AFDN: variants seen among roughly 807,000 people sequenced by gnomAD.
AFDN encodes afadin.
A neutral mutation model predicts 216.6 loss-of-function variants in AFDN; 68 were observed. The ratio of observed to expected loss-of-function variants is 0.31; its 90% CI spans 0.26 to 0.38. AFDN has a LOEUF of 0.38. AFDN is among the 10% of genes least tolerant of loss of function. The pLI, the probability that AFDN is intolerant of heterozygous loss-of-function variation, is 1.00. For missense variants in AFDN, 2,136 were observed against 2,342.0 expected (o/e 0.91, Z 1.82); for synonymous variants, 868 against 853.7 (o/e 1.02, Z -0.29).
At chr6:167,896,687 C>T (rs193269312) in intron 9 of AFDN, among the ~76,000 whole-genome samples, 191 bp from the exon 10 acceptor site, 13 of 152,218 alleles carry the variant, frequency 8.5e-5, no homozygotes, top group East Asian at 3.9e-4. Context: ...GAAACTGATA[C>T]GTTTATTTCT....
intron 1 of AFDN, among the ~76,000 whole-genome samples, chr6:167,857,608 A>G (rs1020000489): frequency 1.3e-5 from 2 of 152,084 alleles, no homozygotes; most frequent in Non-Finnish European, 2.9e-5. Context: ...GGGGGATTAC[A>G]TTTGTATTTC....
chr6:167,882,436 T>G (rs1786236611), intron 6 of AFDN, among the ~76,000 whole-genome samples: 1 of 151,684 alleles, frequency 6.6e-6, no homozygotes, highest in Admixed American at 6.6e-5. Context: ...GGTCAGGGGT[T>G]TGAGACAAGG....
chr6:167,860,140 T>G lies in AFDN; in HGVS notation c.106-4411T>G, dbSNP rs545596230. On this transcript the variant is annotated intron_variant, in intron 1 of 33. Transcript: ENST00000683244. ...TCCAAGTAAGCTCTTCATTTAGGTA[T>G]TAAGTACCTACAGCAATGCTTTTTT... Among the ~76,000 whole-genome samples the G allele has an allele frequency of 3.3e-5, 5 of 150,112 alleles. No homozygotes were observed. In the South Asian group the frequency reaches 1.1e-3, roughly 32 times the overall value.
intron 19 of AFDN, among the ~76,000 whole-genome samples, chr6:167,915,681 TA>T (rs1321982342): frequency 6.6e-6 from 1 of 152,240 alleles, no homozygotes; most frequent in Non-Finnish European, 1.5e-5. Flanking sequence ...ATAAATCTAA[TA>T]AAATGATTGC....
In AFDN at chr6:167,918,942, G is replaced by A; in HGVS notation, c.2908+9G>A. The A allele has an allele frequency of 6.2e-7, 1 of 1,610,210 alleles. No individual in the cohort carries two copies. The highest frequency in any genetic ancestry group is 1.1e-5 in the South Asian group (1 of 90,668). ...CCCTCTGTGCCAGAGAGGTAAATTA[G>A]TCTAAATGCCTGAGTCTGAGCTACG... On this transcript the variant is annotated intron_variant, in intron 21 of 33. Transcript: ENST00000683244.
chr6:167,923,942 A>G (rs1284829162), intron 22 of AFDN, among the ~76,000 whole-genome samples: 1 of 152,022 alleles, frequency 6.6e-6, no homozygotes, highest in Admixed American at 6.6e-5. Context: ...CTTTTTATTG[A>G]CTTTACTAAC....
chr6:167,951,958 A>G lies in AFDN; in HGVS notation c.4604A>G (p.Gln1535Arg). The change falls in exon 30 of 34, where the codon CAG (glutamine) becomes CGG (arginine). Residue 1535 changes from glutamine to arginine, a missense_variant. By Grantham distance (43) the Gln-to-Arg change is conservative (BLOSUM62 1). Transcript: ENST00000683244. This position sits in a 1 kb window ranked among gnomAD's most constrained non-coding sequence, Gnocchi z 7.1. ...RDAKEKLEKQ[Q>R]QMHIVDMLSK... is the part of the protein sequence containing the mutation. ...GCCAAGGAGAAGCTGGAGAAGCAGC[A>G]GCAGATGCACATCGTGGACATGCTG... 6.2e-7 allele frequency: 1 copy of G among 1,614,190 alleles called. No homozygotes were observed. Among genetic ancestry groups the G allele is most frequent in the East Asian group, 2.2e-5 (1 of 44,874 alleles).
intron 6 of AFDN, among the ~76,000 whole-genome samples, chr6:167,887,099 G>A (rs563973742): frequency 3.4e-4 from 51 of 150,906 alleles, no homozygotes; most frequent in African/African-American, 1.2e-3. Flanking sequence ...TGTTGATGTT[G>A]ATAAGTGTAT....
At chr6:167,897,970 A>T (rs1315245876) in intron 10 of AFDN, among the ~76,000 whole-genome samples, 2 of 152,096 alleles carry the variant, frequency 1.3e-5, no homozygotes, top group East Asian at 3.9e-4. Flanking sequence ...ATGCAAAGTT[A>T]CAGTATGCCT....
chr6:167,857,429 A>G (rs1191103684), intron 1 of AFDN, among the ~76,000 whole-genome samples: 1 of 152,140 alleles, frequency 6.6e-6, no homozygotes, highest in Non-Finnish European at 1.5e-5. Context: ...AGACTGTTTA[A>G]CAGATTTTTG....
intron 21 of AFDN, among the ~76,000 whole-genome samples, chr6:167,922,228 T>A (rs549258782): frequency 6.6e-6 from 1 of 152,232 alleles, no homozygotes; most frequent in South Asian, 2.1e-4. Flanking sequence ...AGGCTTACTT[T>A]TACAAAGCAT....
chr6:167,879,856 C>G (rs1277873350), intron 5 of AFDN, among the ~76,000 whole-genome samples: 1 of 152,118 alleles, frequency 6.6e-6, no homozygotes, highest in East Asian at 1.9e-4. Flanking sequence ...CTCCTGGTTC[C>G]TACTTCACTT....
chr6:167,853,442 C>G (rs372426501), intron 1 of AFDN, among the ~76,000 whole-genome samples: 2 of 151,978 alleles, frequency 1.3e-5, no homozygotes, highest in African/African-American at 4.8e-5. Context: ...AGCTGTTGTC[C>G]AAAATCACTC....
intron 26 of AFDN, 80 bp from the exon 27 acceptor site, chr6:167,946,627 A>G: frequency 7.7e-7 from 1 of 1,295,738 alleles, no homozygotes; most frequent in Non-Finnish European, 1.1e-6. Context: ...TATGCTAAGA[A>G]CAATTCTTAT....
At chr6:167,943,344 C>A in intron 24 of AFDN, 58 bp from the exon 25 acceptor site, 1 of 1,535,740 alleles carries the variant, frequency 6.5e-7, no homozygotes, top group Non-Finnish European at 9.0e-7. Flanking sequence ...CCTTTTCTTC[C>A]TCCCGCTCTC....
intron 1 of AFDN, chr6:167,863,760 G>A (rs746533533): frequency 7.7e-6 from 4 of 518,730 alleles, no homozygotes; most frequent in Middle Eastern, 3.2e-4. Context: ...CCTGTGGAGG[G>A]GATACCTTTG....
At chr6:167,897,642 CTTTTTT>C (rs57383020) in intron 10 of AFDN, among the ~76,000 whole-genome samples, 27,052 of 89,044 alleles carry the variant, frequency 0.3, 2,162 homozygotes, top group East Asian at 0.52. Flanking sequence ...GACTGTATGC[CTTTTTT>C]TTTTTTTTTT....
intron 29 of AFDN, among the ~76,000 whole-genome samples, chr6:167,949,793 G>T (rs1795750484): frequency 6.6e-6 from 1 of 152,154 alleles, no homozygotes; most frequent in Non-Finnish European, 1.5e-5. Context: ...ATTTCCTGTT[G>T]TGTGGGGCTG....
intron 12 of AFDN, among the ~76,000 whole-genome samples, chr6:167,905,962 G>A (rs920638520): frequency 3.9e-5 from 6 of 152,148 alleles, no homozygotes; most frequent in African/African-American, 7.2e-5. Context: ...AAAATTAGCC[G>A]GGCGTGGTGG....
Sources: allele counts gnomAD v4.1 joint callset (sites outside exome capture counted in the v4.1 genomes callset), GRCh38; gene constraint gnomAD v4.1.1; non-coding constraint Gnocchi (gnomAD v3.1); transcripts MANE v1.5; gene names NCBI Gene and HGNC (gene_info 2026-07-23, HGNC 2026-07-21).